ACP2: variants seen among roughly 807,000 people sequenced by gnomAD.
The protein encoded by ACP2 is lysosomal acid phosphatase.
Under a neutral mutation model 54.7 loss-of-function variants are expected in ACP2, and 35 were observed. The ratio of observed to expected loss-of-function variants is 0.64; its 90% confidence interval spans 0.49 to 0.85. The LOEUF (loss-of-function observed/expected upper bound fraction) is 0.85, where lower values mean the gene tolerates loss of function less well. Ranked by LOEUF, ACP2 falls within the 40% of genes least tolerant of loss-of-function variation. The pLI is 0.00. For synonymous variants in ACP2, 210 were observed against 224.4 expected (o/e 0.94, Z 0.57); for missense variants, 492 against 565.0 (o/e 0.87, Z 1.31).
chr11:47,247,958 A>G (rs1379678334), intron 2 of ACP2, 80 bp downstream of exon 2: 2 of 1,269,650 alleles, frequency 1.6e-6, no homozygotes, highest in Non-Finnish European at 2.2e-6. Context: ...GCAGTTTAGT[A>G]GGACCCCAAG....
intron 10 of ACP2, 50 bp from the exon 11 acceptor site, chr11:47,240,299 G>T: frequency 2.2e-6 from 2 of 918,154 alleles, no homozygotes; most frequent in Admixed American, 1.7e-5. Context: ...TCCATCATAT[G>T]CCAGCTACTG....
intron 7 of ACP2, among the ~76,000 whole-genome samples, chr11:47,243,700 G>A (rs1953955855): frequency 1.3e-5 from 2 of 152,186 alleles, no homozygotes; most frequent in Admixed American, 1.3e-4. Flanking sequence ...AGGTGTGACA[G>A]CAGGCATGCC....
At chr11:47,248,498 GTCA>G in intron 1 of ACP2, 175 bp downstream of exon 1, 1 of 1,550,544 alleles carries the variant, frequency 6.4e-7, no homozygotes, top group Non-Finnish European at 8.7e-7. Context: ...GACGTATTCG[GTCA>G]TCCTGACTCC....
intron 1 of ACP2, 25 bp from the exon 2 acceptor site, chr11:47,248,158 A>G (rs372839840): frequency 1.1e-5 from 17 of 1,573,250 alleles, no homozygotes; most frequent in South Asian, 3.6e-5. Context: ...TGGTTTGCCT[A>G]TAGGTCAGAA....
intron 3 of ACP2, among the ~76,000 whole-genome samples, chr11:47,246,313 C>T (rs1954077597): frequency 6.6e-6 from 1 of 152,204 alleles, no homozygotes; most frequent in Non-Finnish European, 1.5e-5. Flanking sequence ...TGGTGGCTCA[C>T]ACCTATAATC....
At chr11:47,245,048 G>T in intron 6 of ACP2, 181 bp from the exon 7 acceptor site, 3 of 1,218,510 alleles carry the variant, frequency 2.5e-6, no homozygotes, top group Non-Finnish European at 3.4e-6. Context: ...AGGAAAGGAA[G>T]CTCAGGCACA....
intron 6 of ACP2, chr11:47,245,080 G>A (rs1475100330): frequency 2.1e-6 from 2 of 971,440 alleles, no homozygotes; most frequent in Non-Finnish European, 3.1e-6. Flanking sequence ...TCAGCAGAAA[G>A]GAGCTCTGGG....
chr11:47,239,423 A>G lies in ACP2; in HGVS notation c.*693T>C, dbSNP rs117405518. The stretch of plus-strand genomic sequence containing the variant: ...CTGCATGTAGCTCAGGTCCCTGGAG[A>G]CCCCAGCCCAGCTGAGGGAGAGCAG... On this transcript the variant is annotated 3_prime_UTR_variant, in exon 11 of 11. Coordinates refer to ENST00000672073, the MANE Select transcript of ACP2 (RefSeq NM_001610.4). 5 of 172,868 alleles carry G rather than the reference A, an allele frequency of 2.9e-5. No individual in the cohort carries two copies. The highest frequency in any genetic ancestry group is 6.3e-5 in the Non-Finnish European group (5 of 79,634). 10.7% of individuals were successfully genotyped at this position (172,868 alleles called of 1,614,324 possible).
intron 1 of ACP2, 168 bp downstream of exon 1, chr11:47,248,508 C>G (rs1176260877): frequency 6.4e-7 from 1 of 1,551,018 alleles, no homozygotes; most frequent in Non-Finnish European, 8.7e-7. Context: ...GTCATCCTGA[C>G]TCCCATAAGC....
intron 1 of ACP2, 141 bp downstream of exon 1, chr11:47,248,535 T>C (rs1440556013): frequency 6.4e-7 from 1 of 1,551,450 alleles, no homozygotes; most frequent in Non-Finnish European, 8.7e-7. Context: ...TCCAGGTCAA[T>C]CCTGAATCCA....
chr11:47,241,449 G>A (rs906328995), intron 10 of ACP2, among the ~76,000 whole-genome samples: 1 of 152,016 alleles, frequency 6.6e-6, no homozygotes, highest in South Asian at 2.1e-4. Flanking sequence ...CCCGGGAGGC[G>A]GAGGTTGCAG....
rs752460341 is a variant in ACP2 at position 47,244,868 on chromosome 11, C to CTG, written c.640-3_640-2dup. On this transcript the variant is annotated splice_acceptor_variant, in intron 6 of 10. Coordinates refer to ENST00000672073, the MANE Select transcript of ACP2 (RefSeq NM_001610.4). LOFTEE classifies it high-confidence loss of function. ...GCGGCAGGCGCAGCCCGTGCGTTTG[C>CTG]TGTGTATCGCAGCAGGCAGGTTAGC... is the stretch of plus-strand genomic sequence containing the variant. 40 of 1,600,778 alleles carry CTG rather than the reference C, an allele frequency of 2.5e-5. No homozygotes were observed. The Admixed American group carries it at 6.1e-4, about 24-fold the overall frequency.
In ACP2 at chr11:47,240,147, C is replaced by A. The variant is rs752483023; in HGVS notation, c.1241G>T (p.Arg414Leu). 6.2e-7 allele frequency: 1 copy of A among 1,613,900 alleles called. No individual in the cohort carries two copies. The highest frequency in any genetic ancestry group is 8.5e-7 in the Non-Finnish European group (1 of 1,179,926). The change falls in exon 11 of 11, where the codon CGC (arginine) becomes CTC (leucine). Residue 414 changes from arginine (R) to leucine (L), a missense_variant. Physicochemically the swap from Arg to Leu is moderately radical, Grantham distance 102. Transcript: ENST00000672073. ...GTGGTCCTCCCCATCTGCGACGTGG[C>A]GGTAGCCAGGAGGCTGGGCCTGCAT... ...FRMQAQPPGYRHVADGEDHA is the reference protein window; with the variant it reads ...FRMQAQPPGYLHVADGEDHA
rs2135550033 is a variant in ACP2, at chr11:47,248,813, A to G, written c.-24T>C. On this transcript the variant is annotated 5_prime_UTR_variant, in exon 1 of 11. Coordinates refer to ENST00000672073, the MANE Select transcript of ACP2 (RefSeq NM_001610.4). ...ATCACCGTTGTAATCTATGCAGCAA[A>G]CAAGCTGGAACCCGCTGGGTGGCAC... The G allele has an allele frequency of 6.4e-7, 1 of 1,567,084 alleles. No homozygotes were observed.
rs373831783 is a variant in ACP2, at chr11:47,242,953, C to T, written c.963-55G>A. The T allele has an allele frequency of 9.6e-5, 155 of 1,611,330 alleles. No homozygotes were observed. The African/African-American group carries it at 2.0e-3, about 21-fold the overall frequency. On this transcript the variant is annotated intron_variant, in intron 9 of 10. Transcript: ENST00000672073. ...CTGCTCAGCCTGCCCATCATGGGGTCCTTGGGCTGCCCCGAGCCACCTCCC... is the reference window on the plus strand; with the variant it reads ...CTGCTCAGCCTGCCCATCATGGGGTTCTTGGGCTGCCCCGAGCCACCTCCC...
intron 3 of ACP2, 120 bp downstream of exon 3, chr11:47,247,521 G>T: frequency 8.6e-7 from 1 of 1,164,860 alleles, no homozygotes; most frequent in South Asian, 1.3e-5. Flanking sequence ...TTTTCCTGTA[G>T]TTGTGACCAA....
chr11:47,246,471 G>A (rs1293764185), intron 3 of ACP2, among the ~76,000 whole-genome samples: 1 of 152,154 alleles, frequency 6.6e-6, no homozygotes, highest in African/African-American at 2.4e-5. Flanking sequence ...AGCTACTTGG[G>A]ATGCTGAGGC....
chr11:47,248,463 C>A (rs745888661), intron 1 of ACP2: 2 of 1,546,720 alleles, frequency 1.3e-6, no homozygotes, highest in South Asian at 2.4e-5. Context: ...TCAACCACTT[C>A]CCTGTCTCAA....
intron 6 of ACP2, 50 bp downstream of exon 6, chr11:47,245,255 C>T: frequency 6.3e-7 from 1 of 1,584,564 alleles, no homozygotes; most frequent in Admixed American, 1.7e-5. Flanking sequence ...GTGACCTGGG[C>T]CTGCTGAGAG....
Sources: allele counts gnomAD v4.1 joint callset (sites outside exome capture counted in the v4.1 genomes callset), GRCh38; gene constraint gnomAD v4.1.1; transcripts MANE v1.5; gene names NCBI Gene and HGNC (gene_info 2026-07-23, HGNC 2026-07-21).